CFAP100: variants seen among roughly 807,000 people sequenced by gnomAD.
CFAP100 encodes cilia and flagella associated protein 100.
CFAP100 carries 70 observed loss-of-function variants against 81.5 expected under a neutral mutation model. The observed-to-expected ratio is 0.86, with a 90% CI of 0.71 to 1.05. The LOEUF (loss-of-function observed/expected upper bound fraction) is 1.05, where lower values mean the gene tolerates loss of function less well. Among genes scored for constraint, CFAP100 ranks in the 50% least tolerant of loss-of-function variants. The probability of loss-of-function intolerance (pLI) is 0.00; values close to 1 mark genes in which losing one functional copy is unlikely to be tolerated. For synonymous variants in CFAP100, 341 were observed against 314.8 expected, an observed-to-expected ratio of 1.08 and a Z score of -0.88; for missense variants, 811 against 776.5, an observed-to-expected ratio of 1.04 and a Z score of -0.53.
chr3:126,395,800 C>G, intron 1 of CFAP100, 142 bp from the exon 2 acceptor site: 2 of 594,488 alleles, frequency 3.4e-6, no homozygotes, highest in Non-Finnish European at 6.0e-6. Context: ...TGAGAGTGGA[C>G]CCTCGGGTGG....
At chr3:126,426,454 TAAAA>T (rs67227509) in intron 13 of CFAP100, among the ~76,000 whole-genome samples, 1 of 132,870 alleles carries the variant, frequency 7.5e-6, no homozygotes, top group Non-Finnish European at 1.6e-5. Context: ...GACCCTGTCT[TAAAA>T]AAAAAAAAAA....
chr3:126,418,613 T>C lies in CFAP100; in HGVS notation c.489T>C (p.Tyr163=), dbSNP rs76764772. The C allele has an allele frequency of 0.01, 16,127 of 1,607,658 alleles. 1,252 individuals are homozygous for C. In the African/African-American group the frequency reaches 0.18, roughly 18 times the overall value. Reference sequence around the variant, plus strand: ...GACCCCACTCTGCTGGCCCCCAGTATGCCCTGGATGTCAAGCGGAGAGAGA... The same window carrying C: ...GACCCCACTCTGCTGGCCCCCAGTACGCCCTGGATGTCAAGCGGAGAGAGA... ...KQKRQMFLLQ[Y]ALDVKRREIQ... is the part of the protein sequence containing the mutation. The change falls in exon 7 of 17, where the codon TAT becomes TAC. Residue 163 remains tyrosine, a splice_region_variant and synonymous_variant. Transcript: ENST00000352312.
At position 126,420,179 on chromosome 3, in the gene CFAP100, C is replaced by T; in HGVS notation, c.1032C>T (p.Ser344=). Residue 344 remains serine, a synonymous_variant, in exon 11 of 17, where the codon AGC becomes AGT. Transcript: ENST00000352312. ...GGCGGAGCCCGTCTTACCTGAGCAGCCCCCAGCAAGGCAGCCAGCCCAGCG... is the reference window on the plus strand; with the variant it reads ...GGCGGAGCCCGTCTTACCTGAGCAGTCCCCAGCAAGGCAGCCAGCCCAGCG... ...RLGRSPSYLS[S]PQQGSQPSES... 5 of 1,612,826 alleles carry T rather than the reference C, an allele frequency of 3.1e-6. No individual in the cohort carries two copies. Among genetic ancestry groups the T allele is most frequent in the Non-Finnish European group, 4.2e-6 (5 of 1,179,994 alleles).
At chr3:126,414,364 G>T in intron 4 of CFAP100, 185 bp downstream of exon 4, 1 of 696,110 alleles carries the variant, frequency 1.4e-6, no homozygotes, top group Non-Finnish European at 2.6e-6. Flanking sequence ...AGGACTCACA[G>T]CATCCCACCC....
intron 13 of CFAP100, among the ~76,000 whole-genome samples, chr3:126,429,660 C>T (rs1458327465): frequency 6.7e-6 from 1 of 150,066 alleles, no homozygotes; most frequent in Non-Finnish European, 1.5e-5. Flanking sequence ...TTACATTGAG[C>T]ATCTTATAAT....
At chr3:126,435,073 C>G (rs949822310) in intron 15 of CFAP100, among the ~76,000 whole-genome samples, 1 of 152,166 alleles carries the variant, frequency 6.6e-6, no homozygotes, top group African/African-American at 2.4e-5. Flanking sequence ...ATCCGTCCCC[C>G]CAAGCACAGG....
intron 3 of CFAP100, 109 bp downstream of exon 3, chr3:126,407,361 A>G (rs1246156489): frequency 4.8e-6 from 3 of 621,412 alleles, no homozygotes. Flanking sequence ...GCAGAAGGAA[A>G]TGTTTCTCTT....
At chr3:126,417,100 C>T (rs973621443) in intron 5 of CFAP100, among the ~76,000 whole-genome samples, 1 of 152,142 alleles carries the variant, frequency 6.6e-6, no homozygotes, top group Non-Finnish European at 1.5e-5. Context: ...TAGAAGTGGG[C>T]GGTTCCTAAG....
rs757177256 is a variant in CFAP100 at position 126,420,064 on chromosome 3, C to T, written c.956-39C>T. The stretch of plus-strand genomic sequence containing the variant: ...GCCTGAGGAGGAGCCTGGCTCTGCC[C>T]TGCACAGGGCTCGGAAACTATTCCT... On this transcript the variant is annotated intron_variant, in intron 10 of 16. Transcript: ENST00000352312. 48 of 1,613,156 alleles carry T rather than the reference C, an allele frequency of 3.0e-5. No individual in the cohort carries two copies. In the Middle Eastern group the frequency reaches 5.1e-3, roughly 172 times the overall value.
chr3:126,407,295 G>A, intron 3 of CFAP100, 43 bp downstream of exon 3: 2 of 1,342,412 alleles, frequency 1.5e-6, no homozygotes, highest in Non-Finnish European at 2.1e-6. Flanking sequence ...TTGGCAGGAG[G>A]CAACTCCTCT....
In CFAP100 at chr3:126,416,454, G is replaced by A. The variant is rs571722477; in HGVS notation, c.364G>A (p.Glu122Lys). ...QEDLEARAEA[E>K]HQRAFRDYTT... ...GGACCTGGAGGCGCGCGCCGAGGCC[G>A]AGCATCAGCGCGCCTTCCGCGACTA... is the stretch of plus-strand genomic sequence containing the variant. The change falls in exon 5 of 17, where the codon GAG becomes AAG. Residue 122 changes from glutamate to lysine, a missense_variant. By Grantham distance (56) the Glu-to-Lys change is moderately conservative. Transcript: ENST00000352312. 39 of 1,608,424 alleles carry A rather than the reference G, an allele frequency of 2.4e-5. No homozygotes were observed. The East Asian group carries it at 4.7e-4, about 19-fold the overall frequency.
chr3:126,432,187 G>A (rs148649712), intron 13 of CFAP100, among the ~76,000 whole-genome samples: 3,009 of 149,752 alleles, frequency 0.02, 78 homozygotes, highest in South Asian at 0.13. Context: ...GCTGAGGCAG[G>A]AGAATGGTGT....
Position 126,419,753 on chromosome 3 carries a change from A to G in CFAP100, c.848A>G (p.Lys283Arg). The G allele has an allele frequency of 6.2e-6, 10 of 1,614,086 alleles. No homozygotes were observed. Among genetic ancestry groups the G allele is most frequent in the Non-Finnish European group, 7.6e-6 (9 of 1,180,040 alleles). ...CAGGAAAAGAAACACTCGTTTCTCA[A>G]AAAGGCCAAGGAGGTCTCCGAGGCT... ...EEQEKKHSFL[K>R]KAKEVSEASK... The change falls in exon 9 of 17, where the codon AAA becomes AGA. Residue 283 changes from lysine to arginine, a missense_variant. Physicochemically the swap from Lys to Arg is conservative, Grantham distance 26. Transcript: ENST00000352312.
chr3:126,433,920 G>T (rs955823125), intron 14 of CFAP100: 1 of 491,876 alleles, frequency 2.0e-6, no homozygotes, highest in South Asian at 2.5e-5. Context: ...ACTGGGCCCC[G>T]TTGGCTCACC....
chr3:126,397,035 G>A (rs1271020510), intron 2 of CFAP100, among the ~76,000 whole-genome samples: 1 of 152,188 alleles, frequency 6.6e-6, no homozygotes, highest in African/African-American at 2.4e-5. Context: ...TACCAGCTCA[G>A]TGCACATACA....
At position 126,405,663 on chromosome 3, in the gene CFAP100, A is replaced by AAAAT. The variant is rs373212897; in HGVS notation, c.50-1489_50-1486dup. 1.6e-3 allele frequency among the ~76,000 whole-genome samples: 243 copies of AAAAT among 151,906 alleles called. 1 individual carries two copies. Among genetic ancestry groups the AAAAT allele is most frequent in the Non-Finnish European group, 5.5e-4 (37 of 67,834 alleles). On this transcript the variant is annotated intron_variant, in intron 2 of 16. Transcript: ENST00000352312. ...GGACAACAGAGCAAGATGCCATCTC[A>AAAAT]AAATAAATAAATAAATAAATAAAAT...
intron 5 of CFAP100, chr3:126,418,255 G>A (rs1312600677): frequency 1.7e-6 from 1 of 590,874 alleles, no homozygotes; most frequent in Non-Finnish European, 3.0e-6. Context: ...TCTGGCCATG[G>A]AGAATGTAAC....
chr3:126,412,603 A>G (rs1305411874), intron 3 of CFAP100, among the ~76,000 whole-genome samples: 1 of 152,236 alleles, frequency 6.6e-6, no homozygotes, highest in Non-Finnish European at 1.5e-5. Context: ...GGAAGGTATT[A>G]CATTGATCGG....
chr3:126,399,763 G>A (rs1361514522), intron 2 of CFAP100, among the ~76,000 whole-genome samples: 3 of 152,192 alleles, frequency 2.0e-5, no homozygotes. Flanking sequence ...GCAGCTTGCA[G>A]GGAAGATCTT....
Sources: allele counts gnomAD v4.1 joint callset (sites outside exome capture counted in the v4.1 genomes callset), GRCh38; gene constraint gnomAD v4.1.1; transcripts MANE v1.5; gene names NCBI Gene and HGNC (gene_info 2026-07-23, HGNC 2026-07-21).